The following SHISAL2A variants were observed in gnomAD, a reference collection of about 807,000 sequenced individuals.
The protein encoded by SHISAL2A is protein shisa-like-2A.
Under a neutral mutation model 11.5 loss-of-function variants are expected in SHISAL2A, and 18 were observed. The observed-to-expected ratio is 1.57, with a 90% CI of 1.08 to 2.33. The LOEUF is 2.33. Among genes scored for constraint, SHISAL2A ranks in the 30% most tolerant of loss-of-function variants. The pLI is 0.00. For missense variants in SHISAL2A, 261 were observed against 250.9 expected, an observed-to-expected ratio of 1.04 and a Z score of -0.27; for synonymous variants, 94 against 99.6, an observed-to-expected ratio of 0.94 and a Z score of 0.34.
At chr1:52,650,261 A>G (rs1691599760) in intron 2 of SHISAL2A, among the ~76,000 whole-genome samples, 1 of 152,204 alleles carries the variant, frequency 6.6e-6, no homozygotes, top group Non-Finnish European at 1.5e-5. Flanking sequence ...CAAGCTGGTC[A>G]CCACAGGCTA....
At chr1:52,663,575 A>G (rs983934139) in intron 4 of SHISAL2A, among the ~76,000 whole-genome samples, 4 of 152,182 alleles carry the variant, frequency 2.6e-5, no homozygotes, top group Admixed American at 2.6e-4. Flanking sequence ...AGCCTGGCCA[A>G]CATGGTGAAA....
chr1:52,637,962 G>A (rs1423686955), intron 1 of SHISAL2A, among the ~76,000 whole-genome samples: 3 of 152,086 alleles, frequency 2.0e-5, no homozygotes, highest in African/African-American at 7.2e-5. Flanking sequence ...TAACTCATTC[G>A]TGTGTCCTGC....
intron 1 of SHISAL2A, among the ~76,000 whole-genome samples, chr1:52,635,075 C>T (rs1691210239): frequency 6.6e-6 from 1 of 152,034 alleles, no homozygotes; most frequent in Non-Finnish European, 1.5e-5. Context: ...TCTGTTCATC[C>T]ATATATTCAT....
chr1:52,639,441 A>T (rs1691309532), intron 1 of SHISAL2A, among the ~76,000 whole-genome samples: 1 of 152,132 alleles, frequency 6.6e-6, no homozygotes, highest in Non-Finnish European at 1.5e-5. Flanking sequence ...GTTCATAAAG[A>T]TTTATCCATT....
intron 4 of SHISAL2A, among the ~76,000 whole-genome samples, chr1:52,665,619 T>C (rs1037104637): frequency 6.6e-6 from 1 of 152,168 alleles, no homozygotes; most frequent in Non-Finnish European, 1.5e-5. Flanking sequence ...TTGCCAACAC[T>C]GCAGGAACCA....
At chr1:52,664,033 G>A (rs2149896063) in intron 4 of SHISAL2A, among the ~76,000 whole-genome samples, 1 of 152,250 alleles carries the variant, frequency 6.6e-6, no homozygotes, top group East Asian at 1.9e-4. Context: ...ACTTGACCGT[G>A]CAGAATTTAC....
intron 2 of SHISAL2A, among the ~76,000 whole-genome samples, chr1:52,650,677 C>T (rs1230515041): frequency 1.4e-4 from 20 of 145,646 alleles, no homozygotes; most frequent in Non-Finnish European, 2.4e-4. Flanking sequence ...CAGAATCTCC[C>T]TCTGTTACCC....
chr1:52,664,938 A>G (rs1462345292), intron 4 of SHISAL2A, among the ~76,000 whole-genome samples: 2 of 151,942 alleles, frequency 1.3e-5, no homozygotes, highest in African/African-American at 4.8e-5. Context: ...ACAGGCGCAC[A>G]CCACCACGCC....
intron 1 of SHISAL2A, chr1:52,640,103 A>G (rs1004126312): frequency 2.6e-5 from 4 of 152,146 alleles, no homozygotes; most frequent in African/African-American, 9.7e-5. Flanking sequence ...AAACATCTAT[A>G]TCATTAATAA....
chr1:52,641,340 G>T (rs559762538), intron 1 of SHISAL2A, among the ~76,000 whole-genome samples: 44 of 152,276 alleles, frequency 2.9e-4, no homozygotes, highest in Admixed American at 1.0e-3. Context: ...AGTCTTGTGG[G>T]ACTGAGCCCG....
chr1:52,657,003 C>A lies in SHISAL2A; in HGVS notation c.536C>A (p.Ser179Tyr). 1.9e-6 allele frequency: 3 copies of A among 1,613,812 alleles called. No homozygotes were observed. The highest frequency in any genetic ancestry group is 2.5e-6 in the Non-Finnish European group (3 of 1,179,784). Residue 179 changes from serine (S) to tyrosine (Y), a missense_variant, in exon 3 of 3, where the codon TCT becomes TAT. Ser to Tyr is a moderately radical substitution (Grantham distance 144). Coordinates refer to ENST00000517870, the MANE Select transcript of SHISAL2A (RefSeq NM_001042693.3). Reference protein sequence around the residue: ...SDIPGSPEEASVPNPDLCGPV... With the variant: ...SDIPGSPEEAYVPNPDLCGPV... The stretch of plus-strand genomic sequence containing the variant: ...ATTCCAGGCAGCCCTGAGGAAGCCT[C>A]TGTACCCAACCCTGACCTATGTGGA...
intron 2 of SHISAL2A, among the ~76,000 whole-genome samples, chr1:52,644,070 T>A (rs1691436502): frequency 6.6e-6 from 1 of 152,212 alleles, no homozygotes; most frequent in South Asian, 2.1e-4. Context: ...TGAAAGAGTT[T>A]TGATGACTTG....
At position 52,656,870 on chromosome 1, in the gene SHISAL2A, C is replaced by T; in HGVS notation, c.403C>T (p.Gln135Ter). The T allele has an allele frequency of 1.2e-6, 2 of 1,614,180 alleles. No individual in the cohort carries two copies. Among genetic ancestry groups the T allele is most frequent in the Non-Finnish European group, 1.7e-6 (2 of 1,180,036 alleles). The change falls in exon 3 of 3, where the codon CAG (glutamine) becomes TAG (stop). Residue 135 changes from glutamine (Q) to a stop codon, truncating the protein, a stop_gained. Coordinates refer to ENST00000517870, the MANE Select transcript of SHISAL2A (RefSeq NM_001042693.3). LOFTEE classifies it low-confidence loss of function (END_TRUNC). ...AEVPKVSPLQ[Q>*]SYSCLNPQLE... ...AGTGCCAAAAGTGAGCCCTCTCCAGCAGAGTTACTCCTGCTTGAACCCGCA... is the reference window on the plus strand; with the variant it reads ...AGTGCCAAAAGTGAGCCCTCTCCAGTAGAGTTACTCCTGCTTGAACCCGCA...
chr1:52,656,874 G>A lies in SHISAL2A; in HGVS notation c.407G>A (p.Ser136Asn), dbSNP rs1227555302. 2 of 1,614,074 alleles carry A rather than the reference G, an allele frequency of 1.2e-6. No homozygotes were observed. Among genetic ancestry groups the A allele is most frequent in the Admixed American group, 1.7e-5 (1 of 59,994 alleles). Residue 136 changes from serine (S) to asparagine (N), a missense_variant, in exon 3 of 3, where the codon AGT becomes AAT. By Grantham distance (46) the Ser-to-Asn change is conservative. Transcript: ENST00000517870. ...CCAAAAGTGAGCCCTCTCCAGCAGA[G>A]TTACTCCTGCTTGAACCCGCAGCTG... is the stretch of plus-strand genomic sequence containing the variant. ...EVPKVSPLQQ[S>N]YSCLNPQLES...
chr1:52,656,568 T>G, intron 2 of SHISAL2A, among the ~76,000 whole-genome samples: 1 of 152,178 alleles, frequency 6.6e-6, no homozygotes, highest in East Asian at 1.9e-4. Context: ...TAACAATTGT[T>G]TCTTATCTGT....
At chr1:52,660,397 T>A (rs1274264977), downstream of SHISAL2A, among the ~76,000 whole-genome samples, 1 of 152,128 alleles carries the variant, frequency 6.6e-6, no homozygotes, top group Admixed American at 6.6e-5. Context: ...GTCTGGGTCC[T>A]GCATTAGAAA....
chr1:52,660,509 C>T (rs12073925), downstream of SHISAL2A, among the ~76,000 whole-genome samples: 1,940 of 152,240 alleles, frequency 0.013, 43 homozygotes, highest in African/African-American at 0.044. Context: ...CTGAGCTCAC[C>T]GCTGTTCCCA....
chr1:52,646,782 G>T (rs1691510833), intron 2 of SHISAL2A, among the ~76,000 whole-genome samples: 1 of 151,952 alleles, frequency 6.6e-6, no homozygotes, highest in Admixed American at 6.6e-5. Flanking sequence ...CATGGTTTTT[G>T]TATTTTTTTA....
At position 52,667,470 on chromosome 1, in the gene SHISAL2A, TCATCACCATCAC is replaced by T. The variant is rs60987667; in HGVS notation, n.788_799del. The T allele has an allele frequency of 2.7e-4, 205 of 769,778 alleles. No individual in the cohort carries two copies. The African/African-American group carries it at 3.6e-3, about 14-fold the overall frequency. The allele number at this position is 769,778 out of a possible 1,614,324, so 47.7% of individuals were successfully genotyped here. A position where few individuals can be genotyped will look rare whatever the true frequency, so the allele number is the denominator to read the frequency against. On this transcript the variant is annotated non_coding_transcript_exon_variant, in exon 5 of 6. Coordinates refer to the SHISAL2A transcript ENST00000401050. ...AGAGATTGACTGCTGTGGAGACAGATCATCACCATCACCATCACCATCACCATCACCACCACC... is the reference window on the plus strand; with the variant it reads ...AGAGATTGACTGCTGTGGAGACAGATCATCACCATCACCATCACCACCACC...
Sources: gnomAD v4.1 joint callset for allele counts (sites outside exome capture counted in the v4.1 genomes callset) on GRCh38, gnomAD v4.1.1 for gene constraint, MANE v1.5 for transcripts, NCBI Gene and HGNC (gene_info 2026-07-23, HGNC 2026-07-21) for gene names.